Variants in CNMD observed in about 807,000 individuals in gnomAD.
The protein encoded by CNMD is chondromodulin, also known as leukocyte cell-derived chemotaxin 1.
Under a neutral mutation model 37.5 loss-of-function variants are expected in CNMD, and 30 were observed. The ratio of observed to expected loss-of-function variants is 0.80; its 90% CI spans 0.60 to 1.09. The LOEUF (loss-of-function observed/expected upper bound fraction) is 1.09. Among genes scored for constraint, CNMD ranks in the 50% least tolerant of loss-of-function variants. The pLI, the probability that CNMD is intolerant of heterozygous loss-of-function variation, is 0.00. For missense variants in CNMD, 398 were observed against 423.9 expected, an observed-to-expected ratio of 0.94 and a Z score of 0.54; for synonymous variants, 167 against 148.2, an observed-to-expected ratio of 1.13 and a Z score of -0.92.
rs971927923 is a variant in CNMD at position 52,739,419 on chromosome 13, G to T, written c.72+211C>A. 3.0e-6 allele frequency: 2 copies of T among 666,992 alleles called. No individual in the cohort carries two copies. The highest frequency in any genetic ancestry group is 5.1e-6 in the Non-Finnish European group (2 of 391,420). 41.3% of individuals were successfully genotyped at this position (666,992 alleles called of 1,614,324 possible). On this transcript the variant is annotated intron_variant, in intron 1 of 6. Coordinates refer to ENST00000377962, the MANE Select transcript of CNMD (RefSeq NM_007015.3). This position sits in a 1 kb window ranked among gnomAD's most constrained non-coding sequence, Gnocchi z 5.4. ...CGCCCCAGGACCTGCACCCTCTACC[G>T]GCCACGGGACGTCCCTCCGCACCCG...
At chr13:52,719,917 G>A (rs1964452462) in intron 4 of CNMD, among the ~76,000 whole-genome samples, 1 of 152,214 alleles carries the variant, frequency 6.6e-6, no homozygotes, top group Non-Finnish European at 1.5e-5. Flanking sequence ...ATCCTGAAGA[G>A]TGTTTCCCAA....
intron 3 of CNMD, among the ~76,000 whole-genome samples, chr13:52,729,463 G>A (rs1281565776): frequency 6.6e-6 from 1 of 152,188 alleles, no homozygotes. Flanking sequence ...GAAATGGAGA[G>A]AAAACAGTAC....
At chr13:52,719,547 G>T (rs1964446293) in intron 4 of CNMD, among the ~76,000 whole-genome samples, 1 of 152,166 alleles carries the variant, frequency 6.6e-6, no homozygotes, top group Non-Finnish European at 1.5e-5. Context: ...CTCAGCATTT[G>T]CTTGTCTGTA....
At position 52,716,546 on chromosome 13, in the gene CNMD, G is replaced by A. The variant is rs568654144; in HGVS notation, c.469-3677C>T. Among the ~76,000 whole-genome samples, 12 of 152,056 alleles carry A rather than the reference G, an allele frequency of 7.9e-5. No homozygotes were observed. The East Asian group carries it at 1.5e-3, about 20-fold the overall frequency. On this transcript the variant is annotated intron_variant, in intron 4 of 6. Transcript: ENST00000377962. Reference sequence around the variant, plus strand: ...TGTATAAGGTGTAAGGAAGGGGTCCGGTTTCAGTTTTCTACGTATGGCTAG... The same window carrying A: ...TGTATAAGGTGTAAGGAAGGGGTCCAGTTTCAGTTTTCTACGTATGGCTAG...
At chr13:52,717,353 G>T (rs899617191) in intron 4 of CNMD, among the ~76,000 whole-genome samples, 1 of 152,114 alleles carries the variant, frequency 6.6e-6, no homozygotes, top group Non-Finnish European at 1.5e-5. Flanking sequence ...TTGCCTGATT[G>T]CCCTGGCCAG....
Position 52,739,543 on chromosome 13 carries a change from C to T in CNMD, c.72+87G>A. 8.3e-7 allele frequency: 1 copy of T among 1,205,600 alleles called. No homozygotes were observed. Among genetic ancestry groups the T allele is most frequent in the Non-Finnish European group, 1.2e-6 (1 of 813,966 alleles). 74.7% of individuals were successfully genotyped at this position (1,205,600 alleles called of 1,614,324 possible). On this transcript the variant is annotated intron_variant, in intron 1 of 6. Transcript: ENST00000377962. The surrounding 1 kb of genome is among the most constrained non-coding windows in gnomAD (Gnocchi z 5.4). ...TTATCCCCCCGCCAACACACCCATTCGGTGGCACGCACCCCTGAGTCCGAA... is the reference window on the plus strand; with the variant it reads ...TTATCCCCCCGCCAACACACCCATTTGGTGGCACGCACCCCTGAGTCCGAA...
intron 4 of CNMD, among the ~76,000 whole-genome samples, chr13:52,715,364 A>C (rs1434544112): frequency 6.6e-6 from 1 of 151,908 alleles, no homozygotes; most frequent in African/African-American, 2.4e-5. Flanking sequence ...AATTTTTTTA[A>C]ATTATACTTT....
chr13:52,721,894 G>A (rs1964489826), intron 4 of CNMD, among the ~76,000 whole-genome samples: 1 of 152,186 alleles, frequency 6.6e-6, no homozygotes, highest in African/African-American at 2.4e-5. Context: ...ATTGGTCCTT[G>A]TAGAAGGCAG....
intron 4 of CNMD, among the ~76,000 whole-genome samples, chr13:52,723,023 G>A (rs190771255): frequency 2.6e-5 from 4 of 152,292 alleles, no homozygotes; most frequent in East Asian, 1.9e-4. Flanking sequence ...TGTGTGATCC[G>A]CTATTGTGGG....
In CNMD at chr13:52,739,056, T is replaced by G; in HGVS notation, c.188A>C (p.Tyr63Ser). 1 of 1,579,146 alleles carries G rather than the reference T, an allele frequency of 6.3e-7. No individual in the cohort carries two copies. ...GTGACTGTCGCTCCCCTTCCAGAAG[T>G]AGAAGGCCCCGATGGCCCCAAAGAG... Reference protein sequence around the residue: ...LLLFGAIGAFYFWKGSDSHIY... With the variant: ...LLLFGAIGAFSFWKGSDSHIY... The change falls in exon 2 of 7, where the codon TAC becomes TCC. Residue 63 changes from tyrosine to serine, a missense_variant. Physicochemically the swap from Tyr to Ser is moderately radical, Grantham distance 144 (BLOSUM62 -2). Transcript: ENST00000377962. The surrounding 1 kb of genome is among the most constrained non-coding windows in gnomAD (Gnocchi z 5.4).
At chr13:52,718,484 T>C (rs1964427219) in intron 4 of CNMD, among the ~76,000 whole-genome samples, 1 of 152,226 alleles carries the variant, frequency 6.6e-6, no homozygotes, top group Non-Finnish European at 1.5e-5. Context: ...ATTTTAGTGC[T>C]ATAAATTTCC....
chr13:52,714,433 C>T (rs943025670), intron 4 of CNMD, among the ~76,000 whole-genome samples: 3 of 152,150 alleles, frequency 2.0e-5, no homozygotes, highest in Non-Finnish European at 4.4e-5. Flanking sequence ...ACTAGAGGAT[C>T]CATCATGCAT....
chr13:52,715,872 T>A (rs1158096373), intron 4 of CNMD, among the ~76,000 whole-genome samples: 1 of 152,200 alleles, frequency 6.6e-6, no homozygotes, highest in Non-Finnish European at 1.5e-5. Flanking sequence ...TACCCAGTGA[T>A]GGGATTGCTG....
At chr13:52,712,320 C>T (rs370411971) in intron 5 of CNMD, among the ~76,000 whole-genome samples, 1 of 152,152 alleles carries the variant, frequency 6.6e-6, no homozygotes, top group Non-Finnish European at 1.5e-5. Flanking sequence ...TAGGTTTGAA[C>T]ACAATAAAGA....
At chr13:52,722,562 T>C (rs1380845955) in intron 4 of CNMD, among the ~76,000 whole-genome samples, 1 of 152,150 alleles carries the variant, frequency 6.6e-6, no homozygotes, top group Non-Finnish European at 1.5e-5. Context: ...ATAGGGAGTA[T>C]GAGAGCTGAG....
At position 52,724,119 on chromosome 13, in the gene CNMD, C is replaced by T; in HGVS notation, c.355-9G>A. ...CGAATTCCTGTGATGCCCTATGAAA[C>T]AAAAGTGTATCCATCTATCTATCCA... is the stretch of plus-strand genomic sequence containing the variant. On this transcript the variant is annotated splice_polypyrimidine_tract_variant and intron_variant, in intron 3 of 6. Coordinates refer to ENST00000377962, the MANE Select transcript of CNMD (RefSeq NM_007015.3). 6.3e-7 allele frequency: 1 copy of T among 1,574,956 alleles called. No individual in the cohort carries two copies. The highest frequency in any genetic ancestry group is 8.7e-7 in the Non-Finnish European group (1 of 1,144,400).
chr13:52,723,785 G>A (rs1176363541), intron 4 of CNMD, among the ~76,000 whole-genome samples: 1 of 152,098 alleles, frequency 6.6e-6, no homozygotes, highest in Non-Finnish European at 1.5e-5. Flanking sequence ...CAACAAGTTA[G>A]TTGGATGTGG....
Position 52,703,477 on chromosome 13 carries a change from C to A in CNMD, c.*118G>T. The A allele has an allele frequency of 3.0e-6, 2 of 658,580 alleles. No homozygotes were observed. The highest frequency in any genetic ancestry group is 2.6e-6 in the Non-Finnish European group (1 of 385,440). The allele number at this position is 658,580 out of a possible 1,614,324, so 40.8% of individuals were successfully genotyped here. On this transcript the variant is annotated 3_prime_UTR_variant, in exon 7 of 7. Coordinates refer to ENST00000377962, the MANE Select transcript of CNMD (RefSeq NM_007015.3). The stretch of plus-strand genomic sequence containing the variant: ...TTCTGTTAAGAGTGTCAAGAATAAC[C>A]GCTCAGGTTGAGTGTAAAAATATTT...
intron 2 of CNMD, among the ~76,000 whole-genome samples, chr13:52,735,373 T>G (rs993288337): frequency 1.3e-5 from 2 of 152,174 alleles, no homozygotes; most frequent in Non-Finnish European, 2.9e-5. Context: ...TTCTGTGTTT[T>G]TTTTTAAGAA....
Sources: gnomAD v4.1 joint callset for allele counts (sites outside exome capture counted in the v4.1 genomes callset) on GRCh38, gnomAD v4.1.1 for gene constraint, Gnocchi (gnomAD v3.1) non-coding constraint, MANE v1.5 for transcripts, NCBI Gene and HGNC (gene_info 2026-07-23, HGNC 2026-07-21) for gene names.